The following MREG variants were observed in gnomAD, a reference collection of about 807,000 sequenced individuals.
MREG encodes the protein dilute suppressor protein homolog.
MREG carries 31 observed loss-of-function variants against 28.5 expected under a neutral mutation model. The observed-to-expected ratio is 1.09, with a 90% CI of 0.82 to 1.47. The LOEUF is 1.47. Ranked by LOEUF, MREG falls within the 40% of genes most tolerant of loss-of-function variation. MREG has a pLI of 0.00. For missense variants in MREG, 256 were observed against 257.4 expected (o/e 0.99, Z 0.04); for synonymous variants, 106 against 95.2 (o/e 1.11, Z -0.66).
At chr2:215,949,087 C>CTACTAATAATAATAA (rs869228880) in intron 2 of MREG, among the ~76,000 whole-genome samples, 5 of 124,602 alleles carry the variant, frequency 4.0e-5, no homozygotes, top group Non-Finnish European at 8.3e-5. Context: ...ACTACTACTA[C>CTACTAATAATAATAA]TAATAATAAT....
chr2:216,015,446 A>G (rs966597356), upstream of MREG, among the ~76,000 whole-genome samples: 5 of 152,114 alleles, frequency 3.3e-5, no homozygotes, highest in African/African-American at 1.2e-4. Flanking sequence ...GGGGCCATGG[A>G]AAGGGAAGAG....
At chr2:215,946,416 C>A (rs1372197633) in intron 3 of MREG, among the ~76,000 whole-genome samples, 2 of 150,444 alleles carry the variant, frequency 1.3e-5, no homozygotes, top group Non-Finnish European at 2.9e-5. Context: ...GGATCAAGGA[C>A]TTCAGAACTG....
At chr2:216,026,240 C>A (rs1396471759) in intron 1 of MREG, among the ~76,000 whole-genome samples, 2 of 152,210 alleles carry the variant, frequency 1.3e-5, no homozygotes, top group East Asian at 3.8e-4. Flanking sequence ...TATAAAGTTT[C>A]TTTCTGGGAT....
intron 2 of MREG, among the ~76,000 whole-genome samples, chr2:215,951,423 C>A (rs1036516731): frequency 6.6e-6 from 1 of 152,152 alleles, no homozygotes; most frequent in Non-Finnish European, 1.5e-5. Flanking sequence ...ATTACATATT[C>A]TTCCCAAGTG....
intron 2 of MREG, among the ~76,000 whole-genome samples, chr2:215,952,594 GA>G (rs1219480499): frequency 6.6e-6 from 1 of 152,012 alleles, no homozygotes; most frequent in East Asian, 1.9e-4. Flanking sequence ...TACACTTAAA[GA>G]AATATGTTCT....
At chr2:215,939,598 G>C (rs1692172307), downstream of MREG, 2 of 152,150 alleles carry the variant, frequency 1.3e-5, no homozygotes, top group South Asian at 4.1e-4. Context: ...AAAACAAATG[G>C]AGCTCTAGGC....
In MREG at chr2:215,973,679, G is replaced by A. The variant is rs142387612; in HGVS notation, c.255+22627C>T. Among the ~76,000 whole-genome samples, 634 of 152,172 alleles carry A rather than the reference G, an allele frequency of 4.2e-3. 4 individuals carry two copies. Among genetic ancestry groups the A allele is most frequent in the African/African-American group, 0.014 (593 of 41,532 alleles). On this transcript the variant is annotated intron_variant, in intron 2 of 4. Coordinates refer to ENST00000263268, the MANE Select transcript of MREG (RefSeq NM_018000.3). Reference sequence around the variant, plus strand: ...CAAACTTTCTGGTACACTCACCAACGCTGGCAAAAAAGAAAAGAAAAGAAA... The same window carrying A: ...CAAACTTTCTGGTACACTCACCAACACTGGCAAAAAAGAAAAGAAAAGAAA...
intron 2 of MREG, among the ~76,000 whole-genome samples, chr2:215,991,542 A>G (rs1057256625): frequency 1.6e-4 from 24 of 152,136 alleles, no homozygotes; most frequent in Non-Finnish European, 2.8e-4. Context: ...AACTAAGATC[A>G]GAGCAGAATT....
chr2:215,996,230 G>C, intron 2 of MREG, 76 bp downstream of exon 2: 1 of 1,382,502 alleles, frequency 7.2e-7, no homozygotes, highest in Non-Finnish European at 9.7e-7. Flanking sequence ...GTTATTTCAA[G>C]GGGATCTTCT....
intron 3 of MREG, 38 bp downstream of exon 3, chr2:215,946,985 A>T: frequency 8.5e-7 from 1 of 1,177,880 alleles, no homozygotes; most frequent in Non-Finnish European, 1.3e-6. Flanking sequence ...GATCACAACG[A>T]GTTATTTTTA....
rs370188586 is a variant in MREG, at chr2:215,990,767, T to G, written c.255+5539A>C. Among the ~76,000 whole-genome samples the G allele has an allele frequency of 2.0e-4, 30 of 152,144 alleles. No homozygotes were observed. In the East Asian group the frequency reaches 5.8e-3, roughly 29 times the overall value. On this transcript the variant is annotated intron_variant, in intron 2 of 4. Transcript: ENST00000263268. ...ATCCTTGTCTCTGATAAAATGGACTTTAAGCCAAAAAAGATCAAAAAAGAC... is the reference window on the plus strand; with the variant it reads ...ATCCTTGTCTCTGATAAAATGGACTGTAAGCCAAAAAAGATCAAAAAAGAC...
At chr2:216,031,061 A>G (rs930050670) in intron 1 of MREG, among the ~76,000 whole-genome samples, 3 of 151,940 alleles carry the variant, frequency 2.0e-5, no homozygotes, top group African/African-American at 7.3e-5. Flanking sequence ...TCTCACTGAA[A>G]TATCTGTCTT....
At chr2:215,957,395 G>A (rs1055681615) in intron 2 of MREG, among the ~76,000 whole-genome samples, 3 of 152,028 alleles carry the variant, frequency 2.0e-5, no homozygotes, top group African/African-American at 7.2e-5. Flanking sequence ...CCAGTGGCAG[G>A]ACCCTCCAGC....
intron 1 of MREG, among the ~76,000 whole-genome samples, chr2:216,009,650 C>T (rs2106032201): frequency 6.6e-6 from 1 of 152,274 alleles, no homozygotes; most frequent in Middle Eastern, 3.4e-3. Flanking sequence ...ATTCTCCTGC[C>T]TCAGCCTCCC....
intron 1 of MREG, among the ~76,000 whole-genome samples, chr2:216,007,343 G>T (rs185469550): frequency 1.6e-4 from 24 of 152,084 alleles, no homozygotes; most frequent in South Asian, 4.1e-4. Context: ...CAACACTCAG[G>T]CTTCTTGGTT....
At position 215,988,760 on chromosome 2, in the gene MREG, T is replaced by C. The variant is rs1055440360; in HGVS notation, c.255+7546A>G. 3.9e-5 allele frequency among the ~76,000 whole-genome samples: 6 copies of C among 152,312 alleles called. No individual in the cohort carries two copies. In the South Asian group the frequency reaches 6.2e-4, roughly 16 times the overall value. Reference sequence around the variant, plus strand: ...GGGCAGGCAGTTTTTCCCCTCACAGTGTACACAAAGCCGCTGGGAAGTTTG... The same window carrying C: ...GGGCAGGCAGTTTTTCCCCTCACAGCGTACACAAAGCCGCTGGGAAGTTTG... On this transcript the variant is annotated intron_variant, in intron 2 of 4. Transcript: ENST00000263268.
At chr2:215,991,900 A>C (rs1326479106) in intron 2 of MREG, among the ~76,000 whole-genome samples, 1 of 152,192 alleles carries the variant, frequency 6.6e-6, no homozygotes. Flanking sequence ...TGAGGCAGTA[A>C]TTAATAGCCT....
chr2:215,950,718 A>T (rs377233381), intron 2 of MREG, among the ~76,000 whole-genome samples: 4 of 152,208 alleles, frequency 2.6e-5, no homozygotes, highest in Admixed American at 2.0e-4. Context: ...TTTAACTAAG[A>T]ATAGACACTT....
At chr2:216,014,269 C>T (rs1315787529), upstream of MREG, among the ~76,000 whole-genome samples, 1 of 152,150 alleles carries the variant, frequency 6.6e-6, no homozygotes, top group Admixed American at 6.6e-5. Flanking sequence ...TATTGATGGA[C>T]ATATGGGTGG....
Sources: gnomAD v4.1 joint callset for allele counts (sites outside exome capture counted in the v4.1 genomes callset) on GRCh38, gnomAD v4.1.1 for gene constraint, MANE v1.5 for transcripts, NCBI Gene and HGNC (gene_info 2026-07-23, HGNC 2026-07-21) for gene names.